Variants in GLIS3 observed in about 807,000 individuals in gnomAD.
The protein encoded by GLIS3 is GLIS family zinc finger 3, also known as zinc finger protein GLIS3.
A neutral mutation model predicts 78.6 loss-of-function variants in GLIS3; 53 were observed. The observed-to-expected ratio is 0.67, with a 90% CI of 0.54 to 0.85. The LOEUF (loss-of-function observed/expected upper bound fraction) is 0.85, where lower values mean the gene tolerates loss of function less well. GLIS3 is among the 40% of genes least tolerant of loss of function. GLIS3 has a pLI of 0.00. For missense variants in GLIS3, 1,703 were observed against 1,231.1 expected (o/e 1.38, Z -5.74); for synonymous variants, 684 against 509.9 (o/e 1.34, Z -4.60).
chr9:4,339,708 T>A (rs556983171), intron 2 of GLIS3, among the ~76,000 whole-genome samples: 29 of 121,970 alleles, frequency 2.4e-4, no homozygotes, highest in African/African-American at 8.2e-4. Flanking sequence ...CAGATAACAA[T>A]GCAATGATGG....
At chr9:4,136,140 G>T (rs1264271887) in intron 2 of GLIS3, among the ~76,000 whole-genome samples, 1 of 152,144 alleles carries the variant, frequency 6.6e-6, no homozygotes, top group Non-Finnish European at 1.5e-5. Flanking sequence ...CCTATGGAAG[G>T]TAAGGAATGC....
At chr9:4,058,376 C>G (rs1826321400) in intron 4 of GLIS3, among the ~76,000 whole-genome samples, 2 of 151,888 alleles carry the variant, frequency 1.3e-5, no homozygotes, top group African/African-American at 4.8e-5. Context: ...CAGCTCTATT[C>G]AACAGTGTTT....
intron 2 of GLIS3, among the ~76,000 whole-genome samples, chr9:4,213,501 G>A (rs1284811800): frequency 1.3e-5 from 2 of 152,208 alleles, no homozygotes; most frequent in Non-Finnish European, 2.9e-5. Flanking sequence ...CTCCACTATG[G>A]TTGCCACTAA....
chr9:3,853,467 A>ACAAG (rs1488620910), intron 9 of GLIS3, among the ~76,000 whole-genome samples: 1 of 94,350 alleles, frequency 1.1e-5, no homozygotes, highest in Non-Finnish European at 2.9e-5. Context: ...CCCTAGGGCT[A>ACAAG]CAAACATTAT....
At chr9:4,200,097 T>G (rs927609814) in intron 2 of GLIS3, among the ~76,000 whole-genome samples, 3 of 152,106 alleles carry the variant, frequency 2.0e-5, no homozygotes, top group African/African-American at 7.2e-5. Context: ...TTTTACAAAC[T>G]TCAATATAAA....
At chr9:4,362,787 C>T in the GLIS3 span, among the ~76,000 whole-genome samples, 3 of 152,180 alleles carry the variant, frequency 2.0e-5, no homozygotes, top group Non-Finnish European at 4.4e-5. Context: ...AGAGCAAACT[C>T]TGCAGGACCT....
At chr9:3,948,151 C>G (rs1816424384) in intron 4 of GLIS3, among the ~76,000 whole-genome samples, 1 of 152,160 alleles carries the variant, frequency 6.6e-6, no homozygotes, top group African/African-American at 2.4e-5. Flanking sequence ...AATGCATCAT[C>G]TCCAGTTTCT....
At chr9:4,224,813 A>G (rs1476379435) in intron 2 of GLIS3, among the ~76,000 whole-genome samples, 1 of 151,692 alleles carries the variant, frequency 6.6e-6, no homozygotes, top group Non-Finnish European at 1.5e-5. Context: ...TACTGACATC[A>G]ATGTTGAACA....
At chr9:4,423,873 A>G in the GLIS3 span, among the ~76,000 whole-genome samples, 1 of 147,186 alleles carries the variant, frequency 6.8e-6, no homozygotes. Context: ...TGCATCTCTT[A>G]TAAAACATTG....
At chr9:4,480,974 C>A in the GLIS3 span, among the ~76,000 whole-genome samples, 5 of 152,066 alleles carry the variant, frequency 3.3e-5, no homozygotes, top group African/African-American at 1.2e-4. Context: ...CCCACCTCAG[C>A]CTCCAGAGTA....
upstream of GLIS3, among the ~76,000 whole-genome samples, chr9:4,352,675 C>T (rs1017310887): frequency 6.6e-6 from 1 of 152,252 alleles, no homozygotes; most frequent in Non-Finnish European, 1.5e-5. Flanking sequence ...TCAAGACCAT[C>T]GCAGGCCTGA....
chr9:4,011,812 G>A (rs539209504), intron 4 of GLIS3, among the ~76,000 whole-genome samples: 16 of 152,218 alleles, frequency 1.1e-4, no homozygotes, highest in African/African-American at 3.6e-4. Context: ...GGTATTCATG[G>A]GAAACTGGGC....
At chr9:3,987,784 A>AAAAAAAAAAAAC (rs1554665966) in intron 4 of GLIS3, among the ~76,000 whole-genome samples, 9 of 69,556 alleles carry the variant, frequency 1.3e-4, no homozygotes, top group African/African-American at 1.5e-4. Context: ...AAAAAAAAAA[A>AAAAAAAAAAAAC]AAAACAAAAC....
Position 4,298,410 on chromosome 9 carries a change from A to G in GLIS3, c.-99+1011T>C, listed in dbSNP as rs112599833. 933 of 456,022 alleles carry G rather than the reference A, an allele frequency of 2.0e-3. 7 individuals carry two copies. The highest frequency in any genetic ancestry group is 0.017 in the African/African-American group (834 of 50,136). 28.2% of individuals were successfully genotyped at this position (456,022 alleles called of 1,614,324 possible). A position where few individuals can be genotyped will look rare whatever the true frequency, so the allele number is the denominator to read the frequency against. ...TAATTGAATCATCCATAGGATGACA[A>G]ATCAGCCAGGGCCAAGATTTCCAGA... On this transcript the variant is annotated intron_variant, in intron 1 of 10. Transcript: ENST00000381971.
rs1403274262 is a variant in GLIS3, at chr9:4,286,464, G to A, written c.-39C>T. On this transcript the variant is annotated 5_prime_UTR_variant, in exon 2 of 11. Coordinates refer to ENST00000381971, the MANE Select transcript of GLIS3 (RefSeq NM_001042413.2). The stretch of plus-strand genomic sequence containing the variant: ...TGGCCAAGACGGTCAAATATCCAAT[G>A]TCACTAATGACTCCTTTCAGGCAAA... 3 of 1,610,814 alleles carry A rather than the reference G, an allele frequency of 1.9e-6. No homozygotes were observed. The highest frequency in any genetic ancestry group is 1.3e-5 in the African/African-American group (1 of 74,912).
In GLIS3 at chr9:4,299,455, T is replaced by A. The variant is rs551347305; in HGVS notation, c.-133A>T. 1 of 152,564 alleles carries A rather than the reference T, an allele frequency of 6.6e-6. No homozygotes were observed. Among genetic ancestry groups the A allele is most frequent in the Non-Finnish European group, 1.5e-5 (1 of 68,050 alleles). 9.5% of individuals were successfully genotyped at this position (152,564 alleles called of 1,614,324 possible). On this transcript the variant is annotated 5_prime_UTR_variant, in exon 1 of 11. Transcript: ENST00000381971. ...GGGATTTCCACAACAAAGCCCGGCG[T>A]GCGGGTCCCTTCCCCCGGCCGGCCA...
rs116416827 is a variant in GLIS3 at position 4,253,643 on chromosome 9, G to A, written c.388+32395C>T. 7.2e-3 allele frequency among the ~76,000 whole-genome samples: 1,093 copies of A among 152,226 alleles called. 12 individuals carry two copies. The highest frequency in any genetic ancestry group is 0.025 in the African/African-American group (1,048 of 41,530). ...ATTCTGTCTCGCTAGCGTTCCATGT[G>A]CCACTGAGGTATGAAAAAAACTCCT... On this transcript the variant is annotated intron_variant, in intron 2 of 10. Transcript: ENST00000381971.
At chr9:3,916,299 C>G (rs1201558529) in intron 6 of GLIS3, among the ~76,000 whole-genome samples, 1 of 152,194 alleles carries the variant, frequency 6.6e-6, no homozygotes. Context: ...TCTATTCTAC[C>G]AAGGAGACAC....
chr9:4,114,090 G>A (rs1391033342), intron 4 of GLIS3, among the ~76,000 whole-genome samples: 1 of 152,134 alleles, frequency 6.6e-6, no homozygotes, highest in Non-Finnish European at 1.5e-5. Context: ...CGTACGTGAA[G>A]GCAAGTCATC....
Sources: gnomAD v4.1 joint callset for allele counts (sites outside exome capture counted in the v4.1 genomes callset) on GRCh38, gnomAD v4.1.1 for gene constraint, MANE v1.5 for transcripts, NCBI Gene and HGNC (gene_info 2026-07-23, HGNC 2026-07-21) for gene names.